The following SEC14L5 variants were observed in gnomAD, a reference collection of about 807,000 sequenced individuals.
SEC14L5 encodes SEC14-like protein 5.
SEC14L5 carries 96 observed loss-of-function variants against 84.6 expected under a neutral mutation model. The observed-to-expected ratio is 1.13, with a 90% confidence interval of 0.96 to 1.34. The LOEUF (loss-of-function observed/expected upper bound fraction) is 1.34, where lower values mean the gene tolerates loss of function less well. SEC14L5 is among the 40% of genes most tolerant of loss of function. The pLI is 0.00. For synonymous variants in SEC14L5, 546 were observed against 383.4 expected (o/e 1.42, Z -4.95); for missense variants, 1,224 against 942.5 (o/e 1.30, Z -3.91).
chr16:4,986,142 C>T lies in SEC14L5; in HGVS notation c.64-1415C>T, dbSNP rs867209312. Among the ~76,000 whole-genome samples the T allele has an allele frequency of 1.7e-3, 240 of 143,368 alleles. 1 individual carries two copies. The highest frequency in any genetic ancestry group is 5.6e-3 in the African/African-American group (221 of 39,326). The allele number at this position is 143,368 out of a possible 152,430, so 94.1% of individuals were successfully genotyped here. ...CGTGCTGTTATGTCTTCTTCTTCTT[C>T]TTTTTTTTTTTTTTGAGACAGAGTT... On this transcript the variant is annotated intron_variant, in intron 2 of 15. Transcript: ENST00000251170.
At chr16:4,976,175 C>T (rs112387402) in intron 2 of SEC14L5, among the ~76,000 whole-genome samples, 1 of 152,316 alleles carries the variant, frequency 6.6e-6, no homozygotes, top group Admixed American at 6.5e-5. Flanking sequence ...TGAGCTGACT[C>T]CTTTATTCTT....
intron 2 of SEC14L5, among the ~76,000 whole-genome samples, chr16:4,970,697 G>A (rs1225407945): frequency 1.3e-5 from 2 of 152,144 alleles, no homozygotes; most frequent in African/African-American, 4.8e-5. Context: ...TGGGTGGCAC[G>A]GGCTGTCGTT....
At chr16:5,005,021 C>T (rs1955715335) in intron 11 of SEC14L5, among the ~76,000 whole-genome samples, 1 of 152,160 alleles carries the variant, frequency 6.6e-6, no homozygotes, top group African/African-American at 2.4e-5. Flanking sequence ...ATGAAATGTG[C>T]AGAATAGGGC....
intron 10 of SEC14L5, among the ~76,000 whole-genome samples, chr16:5,003,078 C>G (rs1955693969): frequency 6.6e-6 from 1 of 152,222 alleles, no homozygotes; most frequent in Non-Finnish European, 1.5e-5. Context: ...TTGCAGAGAG[C>G]TTTGTATATA....
chr16:4,982,008 C>G (rs534006059), intron 2 of SEC14L5, among the ~76,000 whole-genome samples: 1 of 152,178 alleles, frequency 6.6e-6, no homozygotes, highest in Non-Finnish European at 1.5e-5. Context: ...TGAGTCCAGA[C>G]CCCAGGATCC....
At chr16:4,989,289 A>C (rs561250498) in intron 4 of SEC14L5, among the ~76,000 whole-genome samples, 1 of 144,526 alleles carries the variant, frequency 6.9e-6, no homozygotes. Flanking sequence ...ATGGTAGACC[A>C]TTGTACGTGT....
At chr16:4,959,088 A>G (rs1955087538) in intron 1 of SEC14L5, among the ~76,000 whole-genome samples, 185 bp from the exon 2 acceptor site, 1 of 151,426 alleles carries the variant, frequency 6.6e-6, no homozygotes. Flanking sequence ...GTCTGGGGCC[A>G]TGGCTAATGA....
intron 2 of SEC14L5, among the ~76,000 whole-genome samples, chr16:4,978,432 A>AAG (rs1955376041): frequency 8.1e-6 from 1 of 123,114 alleles, no homozygotes; most frequent in Non-Finnish European, 1.7e-5. Context: ...AAAAAGGAAA[A>AAG]AAAAGAAACA....
At chr16:4,996,657 C>G (rs541023481) in intron 7 of SEC14L5, among the ~76,000 whole-genome samples, 197 bp downstream of exon 7, 1 of 152,072 alleles carries the variant, frequency 6.6e-6, no homozygotes, top group African/African-American at 2.4e-5. Context: ...CTGCAACCTT[C>G]GCCTCCTGGG....
chr16:4,975,129 G>C (rs936800792), intron 2 of SEC14L5, among the ~76,000 whole-genome samples: 1 of 151,972 alleles, frequency 6.6e-6, no homozygotes, highest in Non-Finnish European at 1.5e-5. Context: ...ATGATATTTG[G>C]TTTTCCATTC....
intron 8 of SEC14L5, among the ~76,000 whole-genome samples, chr16:4,999,655 C>T (rs531132408): frequency 6.6e-5 from 10 of 151,450 alleles, no homozygotes; most frequent in African/African-American, 2.2e-4. Context: ...GGGCTCACGT[C>T]TGTAATCCCA....
chr16:5,017,543 C>T lies in SEC14L5; in HGVS notation c.*2573C>T, dbSNP rs1168296486. The T allele has an allele frequency of 6.6e-6, 1 of 152,256 alleles. No homozygotes were observed. Among genetic ancestry groups the T allele is most frequent in the East Asian group, 1.9e-4 (1 of 5,202 alleles). The allele number at this position is 152,256 out of a possible 1,614,324, so 9.4% of individuals were successfully genotyped here. A position where few individuals can be genotyped will look rare whatever the true frequency, so the allele number is the denominator to read the frequency against. On this transcript the variant is annotated 3_prime_UTR_variant, in exon 16 of 16. Coordinates refer to ENST00000251170, the MANE Select transcript of SEC14L5 (RefSeq NM_014692.2). ...ATTCACACTCTAAGAGATGCTTTTC[C>T]ATCTCAAATCTCATGGAAGGCTCTG...
Position 5,011,103 on chromosome 16 carries a change from T to G in SEC14L5, c.1809T>G (p.His603Gln). ...CREGESIQGS[H>Q]VTRWPGVYLL... Reference sequence around the variant, plus strand: ...GGGCTGATGTGTTTCAGGGCTCCCATGTGACCCGGTGGCCCGGCGTCTACC... The same window carrying G: ...GGGCTGATGTGTTTCAGGGCTCCCAGGTGACCCGGTGGCCCGGCGTCTACC... The change falls in exon 15 of 16, where the codon CAT becomes CAG. Residue 603 changes from histidine to glutamine, a missense_variant. Physicochemically the swap from His to Gln is conservative, Grantham distance 24. Coordinates refer to ENST00000251170, the MANE Select transcript of SEC14L5 (RefSeq NM_014692.2). 6.2e-7 allele frequency: 1 copy of G among 1,600,998 alleles called. No homozygotes were observed. The highest frequency in any genetic ancestry group is 8.5e-7 in the Non-Finnish European group (1 of 1,174,114).
chr16:5,010,895 G>T, intron 14 of SEC14L5, 200 bp from the exon 15 acceptor site: 1 of 572,976 alleles, frequency 1.7e-6, no homozygotes, highest in Non-Finnish European at 3.1e-6. Context: ...GGGAGGCTCT[G>T]GTCCCAGGGA....
intron 2 of SEC14L5, among the ~76,000 whole-genome samples, chr16:4,968,872 A>G (rs1228337574): frequency 6.6e-6 from 1 of 152,206 alleles, no homozygotes; most frequent in African/African-American, 2.4e-5. Context: ...TACATGTTAA[A>G]ATATTTAAAG....
intron 6 of SEC14L5, among the ~76,000 whole-genome samples, chr16:4,994,985 C>T (rs1404765149): frequency 2.0e-5 from 3 of 152,168 alleles, no homozygotes; most frequent in African/African-American, 7.2e-5. Context: ...CATCCTCACT[C>T]CCTCCCTGAT....
intron 6 of SEC14L5, among the ~76,000 whole-genome samples, chr16:4,995,285 T>C (rs1955597046): frequency 6.6e-6 from 1 of 152,190 alleles, no homozygotes; most frequent in African/African-American, 2.4e-5. Flanking sequence ...GCCACCCTCA[T>C]GGCTAAGAGT....
Position 5,016,642 on chromosome 16 carries a change from C to T in SEC14L5, c.*1672C>T, listed in dbSNP as rs1567133315. The T allele has an allele frequency of 1.3e-5, 2 of 152,192 alleles. No individual in the cohort carries two copies. Among genetic ancestry groups the T allele is most frequent in the Non-Finnish European group, 2.9e-5 (2 of 68,044 alleles). The allele number at this position is 152,192 out of a possible 1,614,324, so 9.4% of individuals were successfully genotyped here. A position where few individuals can be genotyped will look rare whatever the true frequency, so the allele number is the denominator to read the frequency against. ...CCTGGCCTTGCTTAGAGTTGGGGCT[C>T]ATCTCTGCTGCAGTAACTGAGCCAA... On this transcript the variant is annotated 3_prime_UTR_variant, in exon 16 of 16. Transcript: ENST00000251170.
At chr16:4,973,621 G>C (rs1467218410) in intron 2 of SEC14L5, among the ~76,000 whole-genome samples, 3 of 152,046 alleles carry the variant, frequency 2.0e-5, no homozygotes, top group Non-Finnish European at 4.4e-5. Context: ...ACATTGTGCT[G>C]AGTGAGAGAG....
Sources: gnomAD v4.1 joint callset for allele counts (sites outside exome capture counted in the v4.1 genomes callset) on GRCh38, gnomAD v4.1.1 for gene constraint, MANE v1.5 for transcripts, NCBI Gene and HGNC (gene_info 2026-07-23, HGNC 2026-07-21) for gene names.